Variants in GLT1D1 observed in about 807,000 individuals in gnomAD.
GLT1D1 encodes glycosyltransferase 1 domain containing 1.
Under a neutral mutation model 28.7 loss-of-function variants are expected in GLT1D1, and 21 were observed. The ratio of observed to expected loss-of-function variants is 0.73; its 90% confidence interval spans 0.52 to 1.05. The LOEUF (loss-of-function observed/expected upper bound fraction) is 1.05, where lower values mean the gene tolerates loss of function less well. GLT1D1 is among the 50% of genes least tolerant of loss of function. The probability of loss-of-function intolerance (pLI) is 0.00; values close to 1 mark genes in which losing one functional copy is unlikely to be tolerated. For synonymous variants in GLT1D1, 147 were observed against 124.8 expected (o/e 1.18, Z -1.19); for missense variants, 343 against 330.6 (o/e 1.04, Z -0.29).
chr12:128,972,581 A>G (rs1406828445), intron 7 of GLT1D1, among the ~76,000 whole-genome samples: 1 of 152,354 alleles, frequency 6.6e-6, no homozygotes, highest in East Asian at 1.9e-4. Flanking sequence ...ACCCATCATA[A>G]GGAAGATGGC....
At chr12:128,942,129 T>A (rs1356366866) in intron 4 of GLT1D1, among the ~76,000 whole-genome samples, 3 of 151,574 alleles carry the variant, frequency 2.0e-5, no homozygotes, top group Non-Finnish European at 1.5e-5. Flanking sequence ...TAGAACACAG[T>A]CATTCAGAAG....
chr12:128,938,365 G>T (rs557400352), intron 4 of GLT1D1, among the ~76,000 whole-genome samples: 2 of 152,164 alleles, frequency 1.3e-5, no homozygotes, highest in African/African-American at 4.8e-5. Flanking sequence ...TCTTGAAATA[G>T]ATTTCTAGGA....
intron 1 of GLT1D1, among the ~76,000 whole-genome samples, chr12:128,862,743 C>A (rs189991161): frequency 2.0e-5 from 3 of 152,192 alleles, no homozygotes; most frequent in Non-Finnish European, 4.4e-5. Context: ...ACAGAGCCGG[C>A]GTCAGCAGTC....
At chr12:128,905,214 T>C (rs765334030) in intron 4 of GLT1D1, among the ~76,000 whole-genome samples, 1 of 152,254 alleles carries the variant, frequency 6.6e-6, no homozygotes, top group Non-Finnish European at 1.5e-5. Flanking sequence ...TGAAAGTTAC[T>C]AGTGACATCA....
At chr12:128,960,780 T>C (rs1296782677) in intron 7 of GLT1D1, among the ~76,000 whole-genome samples, 2 of 151,598 alleles carry the variant, frequency 1.3e-5, no homozygotes, top group Non-Finnish European at 2.9e-5. Flanking sequence ...AAAAATTAAA[T>C]ATATATTTCA....
At chr12:128,915,119 T>C in intron 4 of GLT1D1, 130 bp downstream of exon 6, 1 of 681,824 alleles carries the variant, frequency 1.5e-6, no homozygotes, top group South Asian at 1.9e-5. Flanking sequence ...TCCCTCTGTC[T>C]GCGGCTTCAT....
intron 4 of GLT1D1, among the ~76,000 whole-genome samples, chr12:128,922,592 G>T (rs758516156): frequency 7.2e-5 from 11 of 152,134 alleles, no homozygotes; most frequent in Non-Finnish European, 1.5e-4. Flanking sequence ...ACTCACTAAG[G>T]TTTGCATTTC....
chr12:128,972,739 G>C (rs1879306799), intron 7 of GLT1D1, among the ~76,000 whole-genome samples: 1 of 152,166 alleles, frequency 6.6e-6, no homozygotes, highest in Non-Finnish European at 1.5e-5. Context: ...CCAGAACCTG[G>C]TAAAAGGTGC....
intron 7 of GLT1D1, among the ~76,000 whole-genome samples, chr12:128,973,516 C>T (rs997717393): frequency 1.3e-5 from 2 of 151,894 alleles, no homozygotes; most frequent in African/African-American, 4.8e-5. Context: ...TCCTCTCCCC[C>T]AGGCATAACC....
intron 7 of GLT1D1, among the ~76,000 whole-genome samples, chr12:128,975,190 G>A (rs1048328238): frequency 2.0e-5 from 3 of 152,114 alleles, no homozygotes; most frequent in African/African-American, 7.2e-5. Flanking sequence ...CTGGCTCAGC[G>A]TGCTTACACA....
chr12:128,890,921 C>T (rs1426753197), intron 3 of GLT1D1, among the ~76,000 whole-genome samples: 1 of 152,116 alleles, frequency 6.6e-6, no homozygotes, highest in Non-Finnish European at 1.5e-5. Flanking sequence ...CTTGCTTGAA[C>T]TCGGGAGGCA....
intron 1 of GLT1D1, among the ~76,000 whole-genome samples, chr12:128,875,395 GA>G (rs1956847279): frequency 6.6e-6 from 1 of 152,244 alleles, no homozygotes; most frequent in South Asian, 2.1e-4. Context: ...GAGACTGGCA[GA>G]TGAATGGCTA....
rs372358336 is a variant in GLT1D1, at chr12:128,905,060, C to T, written c.375+5773C>T. Among the ~76,000 whole-genome samples the T allele has an allele frequency of 6.8e-3, 1,000 of 146,182 alleles. 6 individuals carry two copies. The highest frequency in any genetic ancestry group is 0.024 in the African/African-American group (949 of 40,290). ...CTGGGATTACAGGCATGAGCCACCGCGCCTGGCCCATTTCCCACCCTAAAC... is the reference window on the plus strand; with the variant it reads ...CTGGGATTACAGGCATGAGCCACCGTGCCTGGCCCATTTCCCACCCTAAAC... On this transcript the variant is annotated intron_variant, in intron 4 of 7. Transcript: ENST00000281703.
intron 2 of GLT1D1, among the ~76,000 whole-genome samples, chr12:128,886,374 C>A (rs1007028476): frequency 6.6e-6 from 1 of 152,158 alleles, no homozygotes; most frequent in African/African-American, 2.4e-5. Flanking sequence ...ATCACCTGAC[C>A]TCCAGTTCTG....
chr12:128,926,328 A>C (rs1247121555), intron 4 of GLT1D1, 31 bp from the exon 7 acceptor site: 4 of 1,182,194 alleles, frequency 3.4e-6, no homozygotes, highest in Non-Finnish European at 4.8e-6. Flanking sequence ...AGCCCTCCCC[A>C]CTGAAAACAT....
intron 2 of GLT1D1, among the ~76,000 whole-genome samples, chr12:128,883,931 T>C (rs1957122228): frequency 6.6e-6 from 1 of 152,214 alleles, no homozygotes; most frequent in Non-Finnish European, 1.5e-5. Context: ...GATTTACTTC[T>C]GAGAGACCTG....
chr12:128,854,771 A>T (rs535722887), intron 1 of GLT1D1, among the ~76,000 whole-genome samples: 6 of 152,134 alleles, frequency 3.9e-5, no homozygotes, highest in Non-Finnish European at 5.9e-5. Flanking sequence ...TGCTGGGTTT[A>T]CAGGTATGAG....
At position 128,948,115 on chromosome 12, in the gene GLT1D1, C is replaced by T. The variant is rs916090318; in HGVS notation, c.540+657C>T. On this transcript the variant is annotated intron_variant, in intron 6 of 7. Transcript: ENST00000281703. Reference sequence around the variant, plus strand: ...CCGTGCTCGTGAAACCCAGGCAGGCCCTGGCTGGGCTGTGTCCCCTCTTCT... The same window carrying T: ...CCGTGCTCGTGAAACCCAGGCAGGCTCTGGCTGGGCTGTGTCCCCTCTTCT... Among the ~76,000 whole-genome samples, 12 of 152,176 alleles carry T rather than the reference C, an allele frequency of 7.9e-5. 1 individual carries two copies. Among genetic ancestry groups the T allele is most frequent in the Admixed American group, 7.9e-4 (12 of 15,280 alleles).
At chr12:128,962,250 T>C (rs470633) in intron 7 of GLT1D1, among the ~76,000 whole-genome samples, 66,264 of 152,178 alleles carry the variant, frequency 0.44, 14,807 homozygotes, top group Admixed American at 0.55. Flanking sequence ...ATAGTGGGAT[T>C]GGGGCAGTCA....
Sources: allele counts gnomAD v4.1 joint callset (sites outside exome capture counted in the v4.1 genomes callset), GRCh38; gene constraint gnomAD v4.1.1; transcripts MANE v1.5; gene names NCBI Gene and HGNC (gene_info 2026-07-23, HGNC 2026-07-21).